The following RAD54B variants were observed in gnomAD, a reference collection of about 807,000 sequenced individuals.
RAD54B encodes RAD54 homolog B.
In RAD54B, 78 loss-of-function variants were observed where a neutral mutation model predicts 95.8. The observed-to-expected ratio is 0.81, with a 90% CI of 0.68 to 0.98. The LOEUF is 0.98. RAD54B is among the 50% of genes least tolerant of loss of function. The pLI, the probability that RAD54B is intolerant of heterozygous loss-of-function variation, is 0.00. For synonymous variants in RAD54B, 328 were observed against 354.9 expected, an observed-to-expected ratio of 0.92 and a Z score of 0.85; for missense variants, 957 against 1,056.6, an observed-to-expected ratio of 0.91 and a Z score of 1.31.
At chr8:94,467,362 G>A (rs1489837002) in intron 2 of RAD54B, 43 bp downstream of exon 2, 3 of 1,462,940 alleles carry the variant, frequency 2.1e-6, no homozygotes, top group African/African-American at 2.8e-5. Flanking sequence ...AAACATACAT[G>A]CTTCTCTATA....
At chr8:94,379,765 C>T (rs942930075) in intron 12 of RAD54B, among the ~76,000 whole-genome samples, 2 of 152,160 alleles carry the variant, frequency 1.3e-5, no homozygotes, top group African/African-American at 2.4e-5. Flanking sequence ...CTTACTATAG[C>T]CTGCATAAAC....
chr8:94,404,428 C>A (rs537201470), intron 5 of RAD54B, among the ~76,000 whole-genome samples, 189 bp from the exon 6 acceptor site: 1 of 152,252 alleles, frequency 6.6e-6, no homozygotes, highest in Middle Eastern at 3.4e-3. Flanking sequence ...TACTGATGAA[C>A]GATTTCATGC....
intron 10 of RAD54B, among the ~76,000 whole-genome samples, chr8:94,390,118 T>C (rs1014789222): frequency 6.6e-6 from 1 of 152,006 alleles, no homozygotes; most frequent in Non-Finnish European, 1.5e-5. Flanking sequence ...GGTGGGAGGA[T>C]CACTTGAGCT....
At chr8:94,430,612 AC>A in intron 3 of RAD54B, 1 of 605,090 alleles carries the variant, frequency 1.7e-6, no homozygotes, top group Non-Finnish European at 2.1e-6. Context: ...GCTGGTCAGG[AC>A]CCATACTTGG....
intron 2 of RAD54B, among the ~76,000 whole-genome samples, chr8:94,460,559 TTC>T (rs754221985): frequency 2.6e-5 from 4 of 152,252 alleles, no homozygotes; most frequent in Non-Finnish European, 5.9e-5. Context: ...ATGTGCTATT[TTC>T]TCTTTTTTTT....
intron 10 of RAD54B, among the ~76,000 whole-genome samples, chr8:94,387,706 C>T (rs1810922730): frequency 6.6e-6 from 1 of 152,154 alleles, no homozygotes; most frequent in Non-Finnish European, 1.5e-5. Context: ...GAAATTTATT[C>T]TTACTTACAA....
chr8:94,441,669 A>G (rs556149265), intron 3 of RAD54B, among the ~76,000 whole-genome samples: 57 of 152,258 alleles, frequency 3.7e-4, no homozygotes, highest in Non-Finnish European at 4.0e-4. Flanking sequence ...GGCCACTGGT[A>G]ATCAATTTAA....
intron 3 of RAD54B, among the ~76,000 whole-genome samples, chr8:94,437,804 A>G (rs3019280): frequency 0.26 from 39,390 of 152,108 alleles, 5,830 homozygotes; most frequent in East Asian, 0.43. Context: ...AGTTTGGACT[A>G]TGAAAGGAAA....
rs184564733 is a variant in RAD54B, at chr8:94,459,688, C to T, written c.136-1252G>A. On this transcript the variant is annotated intron_variant, in intron 2 of 14. Coordinates refer to ENST00000336148, the MANE Select transcript of RAD54B (RefSeq NM_012415.3). ...CAGCCTGGCCAACATGGTGAAACCC[C>T]GTCTCTACTGAAAAAACAAAAATTA... Among the ~76,000 whole-genome samples the T allele has an allele frequency of 3.7e-3, 533 of 144,680 alleles. 2 individuals are homozygous for T. Among genetic ancestry groups the T allele is most frequent in the African/African-American group, 0.013 (517 of 39,082 alleles). 94.9% of individuals were successfully genotyped at this position (144,680 alleles called of 152,430 possible).
chr8:94,436,663 C>G, intron 3 of RAD54B: 1 of 1,550,500 alleles, frequency 6.4e-7, no homozygotes, highest in Admixed American at 2.0e-5. Flanking sequence ...ATAAAGGGTG[C>G]GTAGGCCCTG....
intron 3 of RAD54B, among the ~76,000 whole-genome samples, chr8:94,427,169 T>C (rs1317081186): frequency 1.3e-5 from 2 of 152,090 alleles, no homozygotes; most frequent in African/African-American, 4.8e-5. Flanking sequence ...AAAGACCTGC[T>C]AGCAAAGTGG....
intron 10 of RAD54B, 76 bp downstream of exon 10, chr8:94,391,533 C>A: frequency 7.0e-7 from 1 of 1,419,922 alleles, no homozygotes; most frequent in Non-Finnish European, 9.5e-7. Context: ...CAGAAATTAG[C>A]CCTGTCTGCC....
chr8:94,377,917 A>G (rs1435711813), intron 14 of RAD54B, among the ~76,000 whole-genome samples: 6 of 133,210 alleles, frequency 4.5e-5, no homozygotes, highest in African/African-American at 1.7e-4. Context: ...CGGAGCTTGC[A>G]GTGAGCCGAG....
At chr8:94,372,499 C>A (rs535788848) in intron 14 of RAD54B, 112 bp from the exon 15 acceptor site, 2 of 1,480,286 alleles carry the variant, frequency 1.4e-6, no homozygotes, top group Admixed American at 2.7e-5. Flanking sequence ...ATTTGATCAC[C>A]ATGGTTCAAG....
intron 11 of RAD54B, among the ~76,000 whole-genome samples, chr8:94,382,100 C>T (rs1229356508): frequency 1.6e-5 from 2 of 123,314 alleles, no homozygotes; most frequent in Non-Finnish European, 3.2e-5. Flanking sequence ...GGCGACAGAG[C>T]AAGACTCCCT....
At chr8:94,410,228 C>G (rs1811496884) in intron 4 of RAD54B, among the ~76,000 whole-genome samples, 1 of 152,134 alleles carries the variant, frequency 6.6e-6, no homozygotes, top group Admixed American at 6.5e-5. Context: ...TCCTATCAAG[C>G]TTACCCCTAG....
At chr8:94,383,283 T>TAA (rs1810787936) in intron 11 of RAD54B, among the ~76,000 whole-genome samples, 1 of 21,914 alleles carries the variant, frequency 4.6e-5, no homozygotes, top group African/African-American at 1.3e-4. Flanking sequence ...AGACTCCATC[T>TAA]CAAAAAAAAA....
At position 94,475,087 on chromosome 8, in the gene RAD54B, A is replaced by C. The variant is rs73695617; in HGVS notation, c.-103T>G. The C allele has an allele frequency of 0.04, 6,049 of 152,704 alleles. 132 individuals are homozygous for C. The highest frequency in any genetic ancestry group is 0.049 in the Non-Finnish European group (3,328 of 68,360). 9.5% of individuals were successfully genotyped at this position (152,704 alleles called of 1,614,324 possible). ...CCCTCGCCGCCGGAGAAGCTCAAGG[A>C]TCCCGCCTCGGCGAAGCCAATCGCG... On this transcript the variant is annotated 5_prime_UTR_variant, in exon 1 of 15. Transcript: ENST00000336148.
rs138808986 is a variant in RAD54B at position 94,398,698 on chromosome 8, C to T, written c.1378+716G>A. On this transcript the variant is annotated intron_variant, in intron 8 of 14. Transcript: ENST00000336148. Reference sequence around the variant, plus strand: ...TCTCTTCTTTATTCTGCTGACACAACGGCAAAGTGGAAGGGCCATACAAGA... The same window carrying T: ...TCTCTTCTTTATTCTGCTGACACAATGGCAAAGTGGAAGGGCCATACAAGA... 3.9e-5 allele frequency among the ~76,000 whole-genome samples: 6 copies of T among 152,058 alleles called. No homozygotes were observed. The East Asian group carries it at 9.7e-4, about 24-fold the overall frequency.
Sources: allele counts gnomAD v4.1 joint callset (sites outside exome capture counted in the v4.1 genomes callset), GRCh38; gene constraint gnomAD v4.1.1; transcripts MANE v1.5; gene names NCBI Gene and HGNC (gene_info 2026-07-23, HGNC 2026-07-21).